AKT3: variants seen among roughly 807,000 people sequenced by gnomAD.
AKT3 encodes RAC-gamma serine/threonine-protein kinase.
In AKT3, 15 loss-of-function variants were observed where a neutral mutation model predicts 65.3. The ratio of observed to expected loss-of-function variants is 0.23; its 90% CI spans 0.15 to 0.35. AKT3 has a LOEUF of 0.35. Among genes scored for constraint, AKT3 ranks in the 10% least tolerant of loss-of-function variants. The pLI, the probability that AKT3 is intolerant of heterozygous loss-of-function variation, is 1.00. For missense variants in AKT3, 243 were observed against 576.5 expected (o/e 0.42, Z 5.92); for synonymous variants, 206 against 183.8 (o/e 1.12, Z -0.98).
chr1:243,673,611 ATTTT>A (rs11386712), intron 3 of AKT3, among the ~76,000 whole-genome samples: 2 of 124,162 alleles, frequency 1.6e-5, no homozygotes, highest in Non-Finnish European at 3.3e-5. Context: ...TAATTATGAG[ATTTT>A]TTTTTTTTTT....
intron 10 of AKT3, among the ~76,000 whole-genome samples, chr1:243,556,398 A>G (rs1016325954): frequency 2.6e-5 from 4 of 151,206 alleles, no homozygotes; most frequent in African/African-American, 9.7e-5. Context: ...TTTCAAAACA[A>G]AAAAAAAACT....
intron 6 of AKT3, among the ~76,000 whole-genome samples, chr1:243,623,141 T>C (rs959716901): frequency 1.3e-5 from 2 of 152,168 alleles, no homozygotes; most frequent in Non-Finnish European, 2.9e-5. Flanking sequence ...TTTGACTAGA[T>C]AGTTTATGCA....
Position 243,503,359 on chromosome 1 carries a change from T to G in AKT3, c.*1890A>C, listed in dbSNP as rs151083954. ...GTCAAGAGGCTAAGACATCTGCATATGAATATGATTCATCCTACTTAGAAA... is the reference window on the plus strand; with the variant it reads ...GTCAAGAGGCTAAGACATCTGCATAGGAATATGATTCATCCTACTTAGAAA... On this transcript the variant is annotated 3_prime_UTR_variant, in exon 14 of 14. Coordinates refer to ENST00000673466, the MANE Select transcript of AKT3 (RefSeq NM_005465.7). 397 of 233,160 alleles carry G rather than the reference T, an allele frequency of 1.7e-3. 9 individuals are homozygous for G. The East Asian group carries it at 0.021, about 13-fold the overall frequency. 14.4% of individuals were successfully genotyped at this position (233,160 alleles called of 1,614,324 possible).
At chr1:243,615,294 C>T in intron 6 of AKT3, 133 bp from the exon 7 acceptor site, 1 of 547,180 alleles carries the variant, frequency 1.8e-6, no homozygotes, top group Admixed American at 3.4e-5. Flanking sequence ...GGCATGCTTC[C>T]TTTACCACTC....
chr1:243,675,319 C>A (rs1226067570), intron 3 of AKT3, among the ~76,000 whole-genome samples: 3 of 152,174 alleles, frequency 2.0e-5, no homozygotes, highest in Non-Finnish European at 4.4e-5. Context: ...CCTGCCTCAG[C>A]CTCCTGAGTA....
At chr1:243,737,767 T>G (rs1687928223) in intron 2 of AKT3, among the ~76,000 whole-genome samples, 2 of 152,156 alleles carry the variant, frequency 1.3e-5, no homozygotes, top group Non-Finnish European at 2.9e-5. Flanking sequence ...AGAACAATAT[T>G]TTGTTATAAA....
chr1:243,825,723 C>G (rs937774249), intron 2 of AKT3, among the ~76,000 whole-genome samples: 1 of 152,114 alleles, frequency 6.6e-6, no homozygotes, highest in Non-Finnish European at 1.5e-5. Context: ...CTCAGATTAC[C>G]GGCTACAAAC....
chr1:243,735,203 T>C (rs369534027), intron 2 of AKT3: 1 of 152,196 alleles, frequency 6.6e-6, no homozygotes. Flanking sequence ...CGGTCATTTA[T>C]TATCATTATC....
chr1:243,622,245 A>T (rs1255570985), intron 6 of AKT3, among the ~76,000 whole-genome samples: 1 of 152,150 alleles, frequency 6.6e-6, no homozygotes, highest in African/African-American at 2.4e-5. Context: ...CTTCCTTCAA[A>T]ATATCTAAAG....
rs549827028 is a variant in AKT3 at position 243,812,817 on chromosome 1, A to G, written c.46+30308T>C. On this transcript the variant is annotated intron_variant, in intron 2 of 13. Coordinates refer to ENST00000673466, the MANE Select transcript of AKT3 (RefSeq NM_005465.7). ...TGGATTAAGAAAATGTGGCATATAT[A>G]TACCATGGAATACTATGCAGCCATA... Among the ~76,000 whole-genome samples the G allele has an allele frequency of 5.9e-5, 9 of 152,218 alleles. No individual in the cohort carries two copies. In the South Asian group the frequency reaches 1.7e-3, roughly 28 times the overall value.
intron 3 of AKT3, among the ~76,000 whole-genome samples, chr1:243,685,977 C>T (rs1268586248): frequency 1.3e-5 from 2 of 152,038 alleles, no homozygotes; most frequent in Non-Finnish European, 2.9e-5. Flanking sequence ...AAACAGAGAG[C>T]CAAATCATGA....
intron 8 of AKT3, among the ~76,000 whole-genome samples, chr1:243,589,568 T>C (rs892277065): frequency 6.6e-6 from 1 of 152,088 alleles, no homozygotes; most frequent in Non-Finnish European, 1.5e-5. Context: ...AAGGGAACCC[T>C]TGTGCACTGT....
intron 2 of AKT3, among the ~76,000 whole-genome samples, chr1:243,777,439 G>A (rs1409456458): frequency 5.3e-5 from 8 of 152,258 alleles, no homozygotes; most frequent in African/African-American, 7.2e-5. Context: ...CTGTAAAACA[G>A]GTAGGGTATG....
intron 2 of AKT3, among the ~76,000 whole-genome samples, chr1:243,790,983 C>T (rs558173001): frequency 5.9e-5 from 9 of 152,144 alleles, no homozygotes; most frequent in Middle Eastern, 3.4e-3. Context: ...ATAATAATAA[C>T]GAAAAAGTTG....
intron 2 of AKT3, among the ~76,000 whole-genome samples, chr1:243,776,673 A>G (rs1690571813): frequency 6.6e-6 from 1 of 152,210 alleles, no homozygotes; most frequent in African/African-American, 2.4e-5. Flanking sequence ...TTTACAGAAG[A>G]AAAAATTATA....
intron 2 of AKT3, among the ~76,000 whole-genome samples, chr1:243,730,565 A>G (rs141412388): frequency 1.3e-3 from 204 of 152,280 alleles, no homozygotes; most frequent in Middle Eastern, 0.01. Flanking sequence ...CTGTAACACT[A>G]TAGCCTTCCT....
At chr1:243,797,869 A>C (rs1412045692) in intron 2 of AKT3, among the ~76,000 whole-genome samples, 11 of 149,492 alleles carry the variant, frequency 7.4e-5, no homozygotes, top group Non-Finnish European at 1.0e-4. Context: ...CAAAAAAAAA[A>C]ACCAAAAAAC....
intron 2 of AKT3, among the ~76,000 whole-genome samples, chr1:243,753,677 A>T (rs567383790): frequency 5.9e-5 from 9 of 152,292 alleles, no homozygotes; most frequent in South Asian, 4.2e-4. Flanking sequence ...AGTTGTAACC[A>T]TTTCATCATA....
At chr1:243,679,421 A>C (rs1028781372) in intron 3 of AKT3, among the ~76,000 whole-genome samples, 2 of 152,172 alleles carry the variant, frequency 1.3e-5, no homozygotes, top group African/African-American at 2.4e-5. Context: ...AAAACTGACC[A>C]ATCTTTTATT....
Sources: allele counts gnomAD v4.1 joint callset (sites outside exome capture counted in the v4.1 genomes callset), GRCh38; gene constraint gnomAD v4.1.1; transcripts MANE v1.5; gene names NCBI Gene and HGNC (gene_info 2026-07-23, HGNC 2026-07-21).